Variants in ADCY9 observed in about 807,000 individuals in gnomAD.
ADCY9 encodes adenylate cyclase type 9.
ADCY9 carries 50 observed loss-of-function variants against 101.5 expected under a neutral mutation model. The observed-to-expected ratio is 0.49, with a 90% CI of 0.39 to 0.62. The LOEUF (loss-of-function observed/expected upper bound fraction) is 0.62. Among genes scored for constraint, ADCY9 ranks in the 20% least tolerant of loss-of-function variants. The pLI, the probability that ADCY9 is intolerant of heterozygous loss-of-function variation, is 0.00. For synonymous variants in ADCY9, 905 were observed against 769.3 expected (o/e 1.18, Z -2.92); for missense variants, 1,662 against 1,800.4 (o/e 0.92, Z 1.39).
At chr16:4,106,961 T>C (rs1487457912) in intron 2 of ADCY9, among the ~76,000 whole-genome samples, 1 of 152,186 alleles carries the variant, frequency 6.6e-6, no homozygotes, top group East Asian at 1.9e-4. Flanking sequence ...AAGACAGCCC[T>C]CCCTTCCTTC....
At chr16:4,085,163 A>C (rs2056929578) in intron 2 of ADCY9, among the ~76,000 whole-genome samples, 1 of 152,148 alleles carries the variant, frequency 6.6e-6, no homozygotes, top group Admixed American at 6.5e-5. Flanking sequence ...GGAGTTCGAG[A>C]CCAGCCTGGC....
chr16:3,974,554 T>C (rs2056078254), intron 10 of ADCY9, 115 bp downstream of exon 10: 3 of 777,692 alleles, frequency 3.9e-6, no homozygotes, highest in Non-Finnish European at 4.4e-6. Flanking sequence ...ATTCTAAGAA[T>C]GCACGTATTG....
intron 2 of ADCY9, among the ~76,000 whole-genome samples, chr16:4,098,595 T>C (rs567338182): frequency 3.3e-5 from 5 of 152,186 alleles, no homozygotes; most frequent in Admixed American, 2.6e-4. Flanking sequence ...ATGTATTATA[T>C]GCCTGGCTAT....
chr16:4,045,025 G>A (rs543051735), intron 2 of ADCY9, among the ~76,000 whole-genome samples: 5 of 152,242 alleles, frequency 3.3e-5, no homozygotes, highest in East Asian at 1.9e-4. Context: ...ATGCAAACTC[G>A]TATAAATTCG....
intron 2 of ADCY9, among the ~76,000 whole-genome samples, chr16:4,008,750 A>G (rs2056384063): frequency 1.3e-5 from 2 of 152,100 alleles, no homozygotes; most frequent in South Asian, 4.1e-4. Flanking sequence ...TTTAGTAGAG[A>G]CAGGGTTTCT....
At chr16:4,109,651 G>C (rs752179097) in intron 2 of ADCY9, among the ~76,000 whole-genome samples, 1 of 152,062 alleles carries the variant, frequency 6.6e-6, no homozygotes, top group Non-Finnish European at 1.5e-5. Context: ...CCTGCCAGTC[G>C]TTTGTTTAAA....
intron 2 of ADCY9, among the ~76,000 whole-genome samples, chr16:4,107,960 T>C (rs2057088552): frequency 6.6e-6 from 1 of 152,158 alleles, no homozygotes; most frequent in African/African-American, 2.4e-5. Flanking sequence ...CCCAAATGCA[T>C]ACCAGCGGGT....
intron 3 of ADCY9, among the ~76,000 whole-genome samples, chr16:3,994,646 CG>C (rs1398004247): frequency 6.6e-6 from 1 of 150,522 alleles, no homozygotes; most frequent in Non-Finnish European, 1.5e-5. Context: ...TTAGTAGAAA[CG>C]GGGTTTCGCC....
At chr16:4,102,033 G>A (rs1027632506) in intron 2 of ADCY9, among the ~76,000 whole-genome samples, 2 of 152,186 alleles carry the variant, frequency 1.3e-5, no homozygotes, top group African/African-American at 4.8e-5. Context: ...TCCCTAGTGT[G>A]TTCTAGGTTT....
intron 3 of ADCY9, among the ~76,000 whole-genome samples, chr16:3,998,537 C>T (rs909897395): frequency 6.6e-6 from 1 of 151,186 alleles, no homozygotes; most frequent in Non-Finnish European, 1.5e-5. Context: ...GGTGAAAGCC[C>T]GTCTCTACTA....
At chr16:4,048,218 C>A (rs906799403) in intron 2 of ADCY9, among the ~76,000 whole-genome samples, 1 of 152,044 alleles carries the variant, frequency 6.6e-6, no homozygotes, top group Non-Finnish European at 1.5e-5. Flanking sequence ...AGTCATAAAC[C>A]CTATTTTAAG....
At chr16:4,008,993 AAATT>A (rs1346155888) in intron 2 of ADCY9, among the ~76,000 whole-genome samples, 28 of 152,156 alleles carry the variant, frequency 1.8e-4, no homozygotes, top group Admixed American at 2.0e-4. Context: ...CAGCGCTTTA[AAATT>A]AATTAATCAG....
chr16:3,982,594 C>T (rs2056153300), intron 7 of ADCY9: 1 of 152,368 alleles, frequency 6.6e-6, no homozygotes, highest in Admixed American at 6.5e-5. Context: ...GAGCCTCTGT[C>T]CCCTTTAAAA....
At chr16:4,085,881 A>T (rs2056934671) in intron 2 of ADCY9, among the ~76,000 whole-genome samples, 1 of 151,672 alleles carries the variant, frequency 6.6e-6, no homozygotes, top group Non-Finnish European at 1.5e-5. Context: ...CCTTCCACCC[A>T]TGCGTGTCCA....
At chr16:3,972,279 G>C (rs1451187443) in intron 10 of ADCY9, among the ~76,000 whole-genome samples, 1 of 151,336 alleles carries the variant, frequency 6.6e-6, no homozygotes, top group Non-Finnish European at 1.5e-5. Flanking sequence ...CCCCAGGCTG[G>C]AGTGCAGTGG....
chr16:4,092,773 T>G (rs559148330), intron 2 of ADCY9, among the ~76,000 whole-genome samples: 1 of 152,336 alleles, frequency 6.6e-6, no homozygotes, highest in East Asian at 1.9e-4. Flanking sequence ...AAAGGCTGAC[T>G]CCTTAGCCCT....
intron 2 of ADCY9, among the ~76,000 whole-genome samples, chr16:4,102,551 G>A (rs1019271548): frequency 3.2e-4 from 49 of 152,154 alleles, no homozygotes; most frequent in Admixed American, 3.1e-3. Context: ...TCAGCCGCCC[G>A]AGTAGCTGGG....
Position 4,007,466 on chromosome 16 carries a change from C to G in ADCY9, c.1786G>C (p.Gly596Arg). 1 of 1,614,070 alleles carries G rather than the reference C, an allele frequency of 6.2e-7. No homozygotes were observed. The highest frequency in any genetic ancestry group is 8.5e-7 in the Non-Finnish European group (1 of 1,180,022). ...ALLSGFEVID[G>R]SQVSSGPRGQ... Reference sequence around the variant, plus strand: ...CTAGGGCCTGAGGACACCTGTGAGCCGTCAATGACCTCAAAGCCAGAAAGC... The same window carrying G: ...CTAGGGCCTGAGGACACCTGTGAGCGGTCAATGACCTCAAAGCCAGAAAGC... The change falls in exon 3 of 11, where the codon GGC (glycine) becomes CGC (arginine). Residue 596 changes from glycine (G) to arginine (R), a missense_variant. Coordinates refer to ENST00000294016, the MANE Select transcript of ADCY9 (RefSeq NM_001116.4).
At chr16:4,056,063 G>T (rs1388542484) in intron 2 of ADCY9, among the ~76,000 whole-genome samples, 1 of 152,168 alleles carries the variant, frequency 6.6e-6, no homozygotes, top group Non-Finnish European at 1.5e-5. Context: ...GGAGCTCCCA[G>T]CCGGTGTTGT....
Sources: gnomAD v4.1 joint callset for allele counts (sites outside exome capture counted in the v4.1 genomes callset) on GRCh38, gnomAD v4.1.1 for gene constraint, MANE v1.5 for transcripts, NCBI Gene and HGNC (gene_info 2026-07-23, HGNC 2026-07-21) for gene names.